Variants in TLL1 observed in about 807,000 individuals in gnomAD.
The protein encoded by TLL1 is tolloid like 1.
A neutral mutation model predicts 128.2 loss-of-function variants in TLL1; 49 were observed. The observed-to-expected ratio is 0.38, with a 90% CI of 0.30 to 0.48. TLL1 has a LOEUF of 0.48. TLL1 is among the 20% of genes least tolerant of loss of function. The pLI is 0.96. For missense variants in TLL1, 1,123 were observed against 1,242.0 expected, an observed-to-expected ratio of 0.90 and a Z score of 1.44; for synonymous variants, 454 against 418.8, an observed-to-expected ratio of 1.08 and a Z score of -1.03.
intron 8 of TLL1, 123 bp from the exon 9 acceptor site, chr4:166,025,193 C>A: frequency 1.4e-6 from 1 of 694,382 alleles, no homozygotes; most frequent in Non-Finnish European, 2.6e-6. Context: ...AAGGAAACGT[C>A]TTCTATAAAA....
intron 17 of TLL1, 24 bp from the exon 18 acceptor site, chr4:166,077,879 C>G: frequency 2.5e-6 from 4 of 1,612,764 alleles, no homozygotes; most frequent in Non-Finnish European, 3.4e-6. Flanking sequence ...GCCACACTGT[C>G]TGATATTATG....
In TLL1 at chr4:165,968,979, T is replaced by C. The variant is rs1284112931; in HGVS notation, c.170-20402T>C. 2.0e-5 allele frequency among the ~76,000 whole-genome samples: 3 copies of C among 152,190 alleles called. No homozygotes were observed. In the East Asian group the frequency reaches 5.8e-4, roughly 29 times the overall value. On this transcript the variant is annotated intron_variant, in intron 1 of 20. Coordinates refer to ENST00000061240, the MANE Select transcript of TLL1 (RefSeq NM_012464.5). ...AAGCCTTGTAGAACCTGGAAGTGTT[T>C]TGAGCTGGGAAAAATTGAATTTCAC...
intron 1 of TLL1, among the ~76,000 whole-genome samples, chr4:165,940,604 TTTC>T (rs1341487598): frequency 6.6e-6 from 1 of 152,174 alleles, no homozygotes; most frequent in South Asian, 2.1e-4. Flanking sequence ...GATAAATTTA[TTTC>T]TTAATTGTTC....
chr4:166,043,144 T>G (rs758733525), intron 11 of TLL1, 130 bp from the exon 12 acceptor site: 9 of 1,264,990 alleles, frequency 7.1e-6, no homozygotes, highest in Non-Finnish European at 1.0e-5. Flanking sequence ...ACCAGTCAAC[T>G]TTGATTTTTA....
At chr4:165,913,322 T>C (rs1732626492) in intron 1 of TLL1, among the ~76,000 whole-genome samples, 1 of 152,214 alleles carries the variant, frequency 6.6e-6, no homozygotes, top group African/African-American at 2.4e-5. Flanking sequence ...TGTCTGATTT[T>C]ATTGTGAGAG....
intron 18 of TLL1, among the ~76,000 whole-genome samples, chr4:166,081,349 T>C (rs758868809): frequency 1.2e-4 from 18 of 152,278 alleles, no homozygotes; most frequent in South Asian, 4.2e-4. Context: ...GAAGAAGGAT[T>C]ACAATGAGGC....
At chr4:165,996,388 A>C (rs11946671) in intron 5 of TLL1, among the ~76,000 whole-genome samples, 3,414 of 152,156 alleles carry the variant, frequency 0.022, 136 homozygotes, top group African/African-American at 0.077. Context: ...GCAGATGGAT[A>C]ACTTGAGGTC....
chr4:166,060,927 T>C (rs1740281990), intron 15 of TLL1, among the ~76,000 whole-genome samples: 1 of 152,198 alleles, frequency 6.6e-6, no homozygotes, highest in African/African-American at 2.4e-5. Context: ...TTTTGTTTCG[T>C]CTTCTGTACG....
chr4:166,070,740 G>A (rs919726001), intron 16 of TLL1, among the ~76,000 whole-genome samples: 10 of 151,860 alleles, frequency 6.6e-5, no homozygotes, highest in African/African-American at 2.4e-4. Context: ...CAATTGACAT[G>A]CTCCTCATCT....
At chr4:166,083,078 T>C (rs1401156365) in intron 18 of TLL1, among the ~76,000 whole-genome samples, 1 of 152,150 alleles carries the variant, frequency 6.6e-6, no homozygotes, top group African/African-American at 2.4e-5. Context: ...GAACTCCTGA[T>C]AGATACTTGG....
chr4:165,928,042 G>A (rs555446101), intron 1 of TLL1, among the ~76,000 whole-genome samples: 2 of 152,220 alleles, frequency 1.3e-5, no homozygotes, highest in South Asian at 4.1e-4. Flanking sequence ...ATTTCTCAGG[G>A]TGTGGTTTTG....
chr4:165,994,175 T>C (rs1197194282), intron 3 of TLL1, among the ~76,000 whole-genome samples: 2 of 152,188 alleles, frequency 1.3e-5, no homozygotes, highest in African/African-American at 4.8e-5. Flanking sequence ...CATTAAGATA[T>C]AGTATTTTGA....
intron 12 of TLL1, among the ~76,000 whole-genome samples, chr4:166,047,094 G>C (rs1366141445): frequency 6.6e-6 from 1 of 151,990 alleles, no homozygotes; most frequent in African/African-American, 2.4e-5. Flanking sequence ...GATTTTACCT[G>C]ATAAAGTACA....
At chr4:165,972,573 C>T (rs889494098) in intron 1 of TLL1, among the ~76,000 whole-genome samples, 7 of 152,008 alleles carry the variant, frequency 4.6e-5, no homozygotes, top group Non-Finnish European at 8.8e-5. Context: ...GATTGTACAC[C>T]CTGAATAATA....
chr4:165,972,395 G>A (rs957593648), intron 1 of TLL1, among the ~76,000 whole-genome samples: 5 of 152,092 alleles, frequency 3.3e-5, no homozygotes, highest in African/African-American at 1.2e-4. Flanking sequence ...TTTTCATGAT[G>A]CTACATGGTT....
At chr4:165,998,518 A>G (rs916898113) in intron 5 of TLL1, among the ~76,000 whole-genome samples, 1 of 152,040 alleles carries the variant, frequency 6.6e-6, no homozygotes, top group Non-Finnish European at 1.5e-5. Flanking sequence ...TTTGAGCCGG[A>G]CGCGGTGGCT....
intron 1 of TLL1, among the ~76,000 whole-genome samples, chr4:165,944,478 AC>A (rs1340602491): frequency 1.3e-5 from 2 of 152,194 alleles, no homozygotes; most frequent in Non-Finnish European, 2.9e-5. Flanking sequence ...GGGTGGCAGG[AC>A]TATGGCATGA....
At chr4:165,888,706 T>C (rs1175289422) in intron 1 of TLL1, among the ~76,000 whole-genome samples, 1 of 152,172 alleles carries the variant, frequency 6.6e-6, no homozygotes, top group Non-Finnish European at 1.5e-5. Flanking sequence ...CAGAAGATAT[T>C]TGTTTTTCTC....
chr4:165,989,567 G>T, intron 2 of TLL1, 76 bp downstream of exon 2: 1 of 1,114,152 alleles, frequency 9.0e-7, no homozygotes, highest in Non-Finnish European at 1.4e-6. Flanking sequence ...AATATTTTTG[G>T]ATCATTTTTC....
Sources: allele counts gnomAD v4.1 joint callset (sites outside exome capture counted in the v4.1 genomes callset), GRCh38; gene constraint gnomAD v4.1.1; transcripts MANE v1.5; gene names NCBI Gene and HGNC (gene_info 2026-07-23, HGNC 2026-07-21).